Variants in TUT7 observed in about 807,000 individuals in gnomAD.
The protein encoded by TUT7 is terminal uridylyltransferase 7.
In TUT7, 33 loss-of-function variants were observed where a neutral mutation model predicts 165.9. The ratio of observed to expected loss-of-function variants is 0.20; its 90% CI spans 0.15 to 0.27. The LOEUF (loss-of-function observed/expected upper bound fraction) is 0.27, where lower values mean the gene tolerates loss of function less well. Ranked by LOEUF, TUT7 falls within the 10% of genes least tolerant of loss-of-function variation. The probability of loss-of-function intolerance (pLI) is 1.00; values close to 1 mark genes in which losing one functional copy is unlikely to be tolerated. For missense variants in TUT7, 1,338 were observed against 1,762.3 expected (o/e 0.76, Z 4.31); for synonymous variants, 552 against 608.1 (o/e 0.91, Z 1.36).
chr9:86,342,903 T>A (rs1455332955), intron 6 of TUT7, among the ~76,000 whole-genome samples, 172 bp downstream of exon 6: 1 of 151,782 alleles, frequency 6.6e-6, no homozygotes, highest in African/African-American at 2.4e-5. Flanking sequence ...AAAATAAGTA[T>A]GAAAATTTGC....
intron 2 of TUT7, 41 bp downstream of exon 2, chr9:86,352,639 C>A (rs1588033214): frequency 1.2e-6 from 2 of 1,607,880 alleles, no homozygotes; most frequent in South Asian, 1.1e-5. Flanking sequence ...TAAAACATTG[C>A]TGACTCTGGG....
At chr9:86,312,713 C>T (rs1271623023) in intron 17 of TUT7, among the ~76,000 whole-genome samples, 1 of 152,080 alleles carries the variant, frequency 6.6e-6, no homozygotes, top group Non-Finnish European at 1.5e-5. Flanking sequence ...GGATGGTTGC[C>T]GTGTCTGTGT....
At chr9:86,310,044 G>T (rs1461925552) in intron 18 of TUT7, 27 bp from the exon 19 acceptor site, 4 of 1,562,118 alleles carry the variant, frequency 2.6e-6, no homozygotes, top group South Asian at 2.3e-5. Context: ...AACACTATAA[G>T]ACTAACAATG....
intron 12 of TUT7, among the ~76,000 whole-genome samples, 172 bp from the exon 13 acceptor site, chr9:86,324,132 T>A (rs999589013): frequency 1.3e-5 from 2 of 151,368 alleles, no homozygotes; most frequent in Non-Finnish European, 2.9e-5. Context: ...GAAAACAGAG[T>A]TTAAGAACAA....
chr9:86,291,157 A>C (rs1455817722), intron 26 of TUT7, among the ~76,000 whole-genome samples: 1 of 152,202 alleles, frequency 6.6e-6, no homozygotes, highest in Non-Finnish European at 1.5e-5. Context: ...AGACACTTGA[A>C]ATTTATATAA....
At chr9:86,317,498 A>C (rs1828832525) in intron 16 of TUT7, among the ~76,000 whole-genome samples, 1 of 152,216 alleles carries the variant, frequency 6.6e-6, no homozygotes, top group Non-Finnish European at 1.5e-5. Context: ...TTGGGTGTGC[A>C]ACAAAGGCTA....
At chr9:86,339,455 T>C (rs547663398) in intron 8 of TUT7, among the ~76,000 whole-genome samples, 2 of 152,126 alleles carry the variant, frequency 1.3e-5, no homozygotes, top group South Asian at 4.2e-4. Flanking sequence ...GAGGCGGAGG[T>C]TGCAATGAGC....
intron 10 of TUT7, among the ~76,000 whole-genome samples, chr9:86,328,817 G>A (rs1227244863): frequency 6.6e-6 from 1 of 152,090 alleles, no homozygotes; most frequent in African/African-American, 2.4e-5. Flanking sequence ...TATACTAGCT[G>A]TATAACCTTG....
chr9:86,316,528 G>A (rs1006023944), intron 17 of TUT7, among the ~76,000 whole-genome samples: 18 of 152,186 alleles, frequency 1.2e-4, no homozygotes, highest in Non-Finnish European at 1.3e-4. Context: ...AGCCCAGTCC[G>A]GGGTGCTTTC....
At position 86,338,701 on chromosome 9, in the gene TUT7, G is replaced by A. The variant is rs1170445597; in HGVS notation, c.1335+122C>T. The stretch of plus-strand genomic sequence containing the variant: ...TACGTTTCTGTTGCAAAATTCAGAT[G>A]TCTTTCTCTTTTGATGTCTATAAAT... On this transcript the variant is annotated intron_variant, in intron 9 of 26. Transcript: ENST00000375963. 5 of 1,135,892 alleles carry A rather than the reference G, an allele frequency of 4.4e-6. No homozygotes were observed. The East Asian group carries it at 1.2e-4, about 27-fold the overall frequency. 70.4% of individuals were successfully genotyped at this position (1,135,892 alleles called of 1,614,324 possible). A position where few individuals can be genotyped will look rare whatever the true frequency, so the allele number is the denominator to read the frequency against.
At chr9:86,339,228 T>C (rs545833736) in intron 8 of TUT7, among the ~76,000 whole-genome samples, 18 of 152,232 alleles carry the variant, frequency 1.2e-4, no homozygotes, top group Admixed American at 5.9e-4. Context: ...ATAAGGAAAA[T>C]ATTATCAAAT....
intron 13 of TUT7, 36 bp from the exon 14 acceptor site, chr9:86,322,511 A>G: frequency 1.9e-6 from 3 of 1,579,762 alleles, no homozygotes; most frequent in Non-Finnish European, 2.6e-6. Context: ...AAGACTTAAC[A>G]CTTTATTTGC....
chr9:86,321,626 G>A (rs1381644014), intron 14 of TUT7, among the ~76,000 whole-genome samples: 1 of 152,102 alleles, frequency 6.6e-6, no homozygotes, highest in African/African-American at 2.4e-5. Context: ...CTACTTGGGT[G>A]GTTGAGGCAG....
Position 86,352,695 on chromosome 9 carries a change from C to T in TUT7, c.505G>A (p.Glu169Lys). The change falls in exon 2 of 27, where the codon GAA becomes AAA. Residue 169 changes from glutamate (E) to lysine (K), a missense_variant. Coordinates refer to ENST00000375963, the MANE Select transcript of TUT7 (RefSeq NM_024617.4). ...LTSLETTSEM[E>K]AGSPENKKQR... ...AAAACATTACCAGGACTTCCTGCTT[C>T]CATTTCTGACGTGGTTTCTAGGCTT... The T allele has an allele frequency of 6.2e-7, 1 of 1,614,206 alleles. No individual in the cohort carries two copies. The highest frequency in any genetic ancestry group is 8.5e-7 in the Non-Finnish European group (1 of 1,180,042).
At chr9:86,330,214 T>A (rs1830186381) in intron 10 of TUT7, among the ~76,000 whole-genome samples, 1 of 152,088 alleles carries the variant, frequency 6.6e-6, no homozygotes, top group Non-Finnish European at 1.5e-5. Context: ...CCTGCCACCA[T>A]GCCCAGCTAA....
Position 86,328,457 on chromosome 9 carries a change from G to A in TUT7, c.1491C>T (p.Phe497=). 1 of 1,610,524 alleles carries A rather than the reference G, an allele frequency of 6.2e-7. No individual in the cohort carries two copies. Among genetic ancestry groups the A allele is most frequent in the Non-Finnish European group, 8.5e-7 (1 of 1,178,400 alleles). The stretch of plus-strand genomic sequence containing the variant: ...CATCTTTTTCAATGTCTTGAAGGTT[G>A]AAATTCCCTAGTTTGCTTAATGAGA... ...EGFSLSKLGN[F]NLQDIEKDVV... The change falls in exon 11 of 27, where the codon TTC becomes TTT. Residue 497 remains phenylalanine, a synonymous_variant. Coordinates refer to ENST00000375963, the MANE Select transcript of TUT7 (RefSeq NM_024617.4).
At chr9:86,312,030 C>A (rs1828144704) in intron 17 of TUT7, among the ~76,000 whole-genome samples, 1 of 152,208 alleles carries the variant, frequency 6.6e-6, no homozygotes, top group South Asian at 2.1e-4. Context: ...GCAGCCTCTG[C>A]CCGGCCGCCA....
At chr9:86,329,421 G>T (rs1360848654) in intron 10 of TUT7, among the ~76,000 whole-genome samples, 2 of 151,964 alleles carry the variant, frequency 1.3e-5, no homozygotes, top group African/African-American at 2.4e-5. Flanking sequence ...TACTCAGGAG[G>T]CTGAGGCAGA....
intron 26 of TUT7, among the ~76,000 whole-genome samples, chr9:86,295,171 T>G (rs926864199): frequency 2.8e-4 from 43 of 152,008 alleles, no homozygotes; most frequent in African/African-American, 9.9e-4. Flanking sequence ...TCTGTAGAAG[T>G]ACAACAAAGG....
Sources: gnomAD v4.1 joint callset for allele counts (sites outside exome capture counted in the v4.1 genomes callset) on GRCh38, gnomAD v4.1.1 for gene constraint, MANE v1.5 for transcripts, NCBI Gene and HGNC (gene_info 2026-07-23, HGNC 2026-07-21) for gene names.